The following SEMA5B variants were observed in gnomAD, a reference collection of about 807,000 sequenced individuals.
SEMA5B encodes semaphorin 5B, also known as semaphorin-5B.
In SEMA5B, 66 loss-of-function variants were observed where a neutral mutation model predicts 135.0. That is an observed-to-expected ratio of 0.49 (90% CI 0.40 to 0.60). The LOEUF (loss-of-function observed/expected upper bound fraction) is 0.60. SEMA5B is among the 20% of genes least tolerant of loss of function. SEMA5B has a pLI of 0.00. For synonymous variants in SEMA5B, 690 were observed against 639.5 expected, an observed-to-expected ratio of 1.08 and a Z score of -1.19; for missense variants, 1,501 against 1,566.3, an observed-to-expected ratio of 0.96 and a Z score of 0.70.
Position 122,921,975 on chromosome 3 carries a change from C to G in SEMA5B, c.1628G>C (p.Gly543Ala). 6.5e-7 allele frequency: 1 copy of G among 1,535,890 alleles called. No homozygotes were observed. Among genetic ancestry groups the G allele is most frequent in the Non-Finnish European group, 8.7e-7 (1 of 1,145,122 alleles). The change falls in exon 12 of 23, where the codon GGG becomes GCG. Residue 543 changes from glycine (G) to alanine (A), a missense_variant. By Grantham distance (60) the Gly-to-Ala change is moderately conservative (BLOSUM62 0). Coordinates refer to ENST00000357599, the MANE Select transcript of SEMA5B (RefSeq NM_001031702.4). ...ILHSARALFV[G>A]LRDGVLRVPL... ...GACCCGCAGGACGCCGTCTCTCAGC[C>G]CCACGAAGAGCGCGCGGGCGCTGTG...
chr3:122,915,474 G>T lies in SEMA5B; in HGVS notation c.1954C>A (p.Leu652Met). The T allele has an allele frequency of 6.2e-7, 1 of 1,613,326 alleles. No homozygotes were observed. Among genetic ancestry groups the T allele is most frequent in the Non-Finnish European group, 8.5e-7 (1 of 1,179,638 alleles). The change falls in exon 14 of 23, where the codon CTG becomes ATG. Residue 652 changes from leucine to methionine, a missense_variant. By Grantham distance (15) the Leu-to-Met change is conservative. Transcript: ENST00000357599. ...PRPRCGGLDC[L>M]GPAIHIANCS... ...TTGGCGATGTGGATGGCTGGCCCCA[G>T]GCAGTCAAGGCCCCCACAGCGGGGT... is the stretch of plus-strand genomic sequence containing the variant.
chr3:122,910,204 A>AG lies in SEMA5B; in HGVS notation c.3394dup (p.Leu1132ProfsTer109). 1 of 1,614,216 alleles carries AG rather than the reference A, an allele frequency of 6.2e-7. No individual in the cohort carries two copies. The highest frequency in any genetic ancestry group is 8.5e-7 in the Non-Finnish European group (1 of 1,180,024). ...CTCGGGCCGGAAGCTGTGTTTGTTC[A>AG]GGGGGCTTGGGTAGTAAGTAGTCGT... On this transcript the variant is annotated frameshift_variant, in exon 23 of 23. Coordinates refer to ENST00000357599, the MANE Select transcript of SEMA5B (RefSeq NM_001031702.4). LOFTEE classifies it high-confidence loss of function.
chr3:122,913,897 T>G lies in SEMA5B; in HGVS notation c.2093A>C (p.His698Pro). The G allele has an allele frequency of 6.2e-7, 1 of 1,612,522 alleles. No homozygotes were observed. Among genetic ancestry groups the G allele is most frequent in the Non-Finnish European group, 8.5e-7 (1 of 1,179,550 alleles). Residue 698 changes from histidine to proline, a missense_variant, in exon 15 of 23, where the codon CAC becomes CCC. Physicochemically the swap from His to Pro is moderately conservative, Grantham distance 77. Around this residue, in one of 2 missense-constraint regions of SEMA5B, gnomAD observed 927 missense variants for 881.6 expected, o/e 1.05. Transcript: ENST00000357599. ...QRSCSNPAPR[H>P]GGRICVGKSR... ...CTTGCCCACGCAGATGCGGCCCCCG[T>G]GGCGGGGAGCAGGGTTGCTGCAACT...
chr3:122,928,678 G>T, intron 6 of SEMA5B, 63 bp from the exon 7 acceptor site: 1 of 1,195,228 alleles, frequency 8.4e-7, no homozygotes, highest in South Asian at 1.4e-5. Flanking sequence ...GATATCTCAC[G>T]CTCACACCAC....
chr3:122,962,422 A>G (rs1485608676), intron 1 of SEMA5B, among the ~76,000 whole-genome samples: 1 of 152,164 alleles, frequency 6.6e-6, no homozygotes, highest in African/African-American at 2.4e-5. Context: ...GTGGAGAGGG[A>G]GGAGCAGAGA....
At chr3:123,023,108 G>T (rs1454353738) in intron 1 of SEMA5B, among the ~76,000 whole-genome samples, 1 of 152,088 alleles carries the variant, frequency 6.6e-6, no homozygotes, top group African/African-American at 2.4e-5. Context: ...GAAAAATCCA[G>T]GTGTTGTCCA....
At position 122,964,671 on chromosome 3, in the gene SEMA5B, T is replaced by C. The variant is rs140048102; in HGVS notation, c.-38-3370A>G. 3.6e-3 allele frequency among the ~76,000 whole-genome samples: 547 copies of C among 152,302 alleles called. 1 individual carries two copies. Among genetic ancestry groups the C allele is most frequent in the Non-Finnish European group, 6.1e-3 (415 of 68,024 alleles). ...CCTGGACAAGGGAACCCGCTCTTCC[T>C]GGGTTGCCCTAGCCAGCTTTCTCCC... On this transcript the variant is annotated intron_variant, in intron 1 of 22. Coordinates refer to ENST00000357599, the MANE Select transcript of SEMA5B (RefSeq NM_001031702.4).
chr3:123,003,376 T>C (rs1301544600), intron 1 of SEMA5B, among the ~76,000 whole-genome samples: 1 of 152,014 alleles, frequency 6.6e-6, no homozygotes, highest in East Asian at 1.9e-4. Context: ...AAAACCCAAT[T>C]CAATTCAAAG....
At chr3:122,936,855 G>A (rs1462447398) in intron 5 of SEMA5B, among the ~76,000 whole-genome samples, 2 of 152,220 alleles carry the variant, frequency 1.3e-5, no homozygotes, top group Non-Finnish European at 2.9e-5. Context: ...GAGCTTGGAG[G>A]ATTGGGAAGG....
At chr3:122,975,689 ATCTC>A (rs1365421254) in intron 1 of SEMA5B, among the ~76,000 whole-genome samples, 10 of 152,124 alleles carry the variant, frequency 6.6e-5, no homozygotes, top group Non-Finnish European at 1.5e-4. Context: ...CAGACCTTCC[ATCTC>A]TCTCTCCAGA....
At position 122,909,440 on chromosome 3, in the gene SEMA5B, G is replaced by A. The variant is rs1560269941; in HGVS notation, c.*703C>T. On this transcript the variant is annotated 3_prime_UTR_variant, in exon 23 of 23. Transcript: ENST00000357599. ...CCTATGGCATTGATCCTCTCTCCTG[G>A]GCCACCTTTCGTGCATTGAGGGCAA... 6.5e-6 allele frequency: 1 copy of A among 152,728 alleles called. No individual in the cohort carries two copies. Among genetic ancestry groups the A allele is most frequent in the Non-Finnish European group, 1.5e-5 (1 of 68,150 alleles). 9.5% of individuals were successfully genotyped at this position (152,728 alleles called of 1,614,324 possible). A position where few individuals can be genotyped will look rare whatever the true frequency, so the allele number is the denominator to read the frequency against.
intron 1 of SEMA5B, among the ~76,000 whole-genome samples, chr3:123,007,415 G>A (rs1942340637): frequency 6.6e-6 from 1 of 152,176 alleles, no homozygotes. Context: ...CTTCTCAATT[G>A]AAACATTGAT....
chr3:123,007,179 C>T (rs568617906), intron 1 of SEMA5B, among the ~76,000 whole-genome samples: 1 of 152,224 alleles, frequency 6.6e-6, no homozygotes, highest in Non-Finnish European at 1.5e-5. Flanking sequence ...TTGCTCTTGC[C>T]CCCTTCCTTC....
At chr3:122,999,992 G>A (rs1274195741) in intron 1 of SEMA5B, among the ~76,000 whole-genome samples, 3 of 152,148 alleles carry the variant, frequency 2.0e-5, no homozygotes, top group Non-Finnish European at 4.4e-5. Flanking sequence ...GGCAGATCAC[G>A]AGATCAAGAG....
At chr3:123,026,582 G>C (rs1432381572) in intron 1 of SEMA5B, among the ~76,000 whole-genome samples, 3 of 152,044 alleles carry the variant, frequency 2.0e-5, no homozygotes, top group Non-Finnish European at 2.9e-5. Flanking sequence ...TCCTCCGCCG[G>C]TCCGGCGACC....
intron 5 of SEMA5B, among the ~76,000 whole-genome samples, chr3:122,934,880 A>AG (rs1939176092): frequency 6.6e-6 from 1 of 151,598 alleles, no homozygotes; most frequent in Non-Finnish European, 1.5e-5. Context: ...CTCAAAAAAA[A>AG]AAAAAAAGAA....
intron 1 of SEMA5B, among the ~76,000 whole-genome samples, chr3:122,985,971 T>C (rs1348098849): frequency 6.6e-6 from 1 of 152,194 alleles, no homozygotes; most frequent in African/African-American, 2.4e-5. Flanking sequence ...GTTAGTAGAA[T>C]CAAAAATGAC....
At chr3:122,999,178 T>A (rs1281225847) in intron 1 of SEMA5B, among the ~76,000 whole-genome samples, 1 of 152,204 alleles carries the variant, frequency 6.6e-6, no homozygotes, top group African/African-American at 2.4e-5. Flanking sequence ...TAATTTAGAA[T>A]TGAGGCATGT....
intron 1 of SEMA5B, among the ~76,000 whole-genome samples, chr3:123,014,920 G>A (rs1942520891): frequency 6.6e-6 from 1 of 152,186 alleles, no homozygotes; most frequent in Non-Finnish European, 1.5e-5. Flanking sequence ...GTTAGATGAA[G>A]TCACACTGGA....
Sources: gnomAD v4.1 joint callset for allele counts (sites outside exome capture counted in the v4.1 genomes callset) on GRCh38, gnomAD v4.1.1 for gene constraint, gnomAD v4.1.1 regional missense constraint, MANE v1.5 for transcripts, NCBI Gene and HGNC (gene_info 2026-07-23, HGNC 2026-07-21) for gene names.